Variants in TMOD1 observed in about 807,000 individuals in gnomAD.
The protein encoded by TMOD1 is tropomodulin-1.
TMOD1 carries 17 observed loss-of-function variants against 40.6 expected under a neutral mutation model. That is an observed-to-expected ratio of 0.42 (90% CI 0.29 to 0.63). The LOEUF is 0.63. Ranked by LOEUF, TMOD1 falls within the 20% of genes least tolerant of loss-of-function variation. The pLI is 0.22. For synonymous variants in TMOD1, 181 were observed against 175.0 expected, an observed-to-expected ratio of 1.03 and a Z score of -0.27; for missense variants, 391 against 447.6, an observed-to-expected ratio of 0.87 and a Z score of 1.14.
Position 97,524,203 on chromosome 9 carries a change from A to G in TMOD1, c.15A>G (p.Arg5=). 7 of 1,614,150 alleles carry G rather than the reference A, an allele frequency of 4.3e-6. No homozygotes were observed. Among genetic ancestry groups the G allele is most frequent in the Non-Finnish European group, 5.9e-6 (7 of 1,179,990 alleles). ...GTTCTTCCACGATGTCGTACAGACG[A>G]GAACTAGAGAAATACCGTGACCTGG... MSYR[R]ELEKYRDLDE... is the part of the protein sequence containing the mutation. Residue 5 remains arginine (R), a synonymous_variant, in exon 2 of 10, where the codon CGA becomes CGG. Coordinates refer to ENST00000259365, the MANE Select transcript of TMOD1 (RefSeq NM_003275.4).
chr9:97,562,816 T>C lies in TMOD1; in HGVS notation c.482T>C (p.Leu161Pro). 1 of 1,584,086 alleles carries C rather than the reference T, an allele frequency of 6.3e-7. No homozygotes were observed. Among genetic ancestry groups the C allele is most frequent in the Non-Finnish European group, 8.6e-7 (1 of 1,168,866 alleles). Residue 161 changes from leucine (L) to proline (P), a missense_variant, in exon 5 of 10, where the codon CTC becomes CCC. Coordinates refer to ENST00000259365, the MANE Select transcript of TMOD1 (RefSeq NM_003275.4). Reference sequence around the variant, plus strand: ...AGCTCCATCATGAACAAGGAGGGGCTCAACAGTGAGTATGCGCCCGCCCCC... The same window carrying C: ...AGCTCCATCATGAACAAGGAGGGGCCCAACAGTGAGTATGCGCCCGCCCCC... ...SSSSIMNKEG[L>P]NSVIKPTQYK...
intron 4 of TMOD1, among the ~76,000 whole-genome samples, chr9:97,556,700 A>AGGGG (rs1169628460): frequency 6.6e-6 from 1 of 152,224 alleles, no homozygotes; most frequent in Non-Finnish European, 1.5e-5. Flanking sequence ...AACACCAGGT[A>AGGGG]AGTATGAAAT....
At chr9:97,584,593 C>T (rs1171511442) in intron 8 of TMOD1, among the ~76,000 whole-genome samples, 1 of 152,114 alleles carries the variant, frequency 6.6e-6, no homozygotes, top group Non-Finnish European at 1.5e-5. Context: ...CTAATGTTGA[C>T]AGTGGGGTGT....
intron 9 of TMOD1, among the ~76,000 whole-genome samples, chr9:97,598,459 G>A (rs549247077): frequency 7.2e-5 from 11 of 152,186 alleles, no homozygotes; most frequent in East Asian, 3.9e-4. Context: ...TTCCAGCAGC[G>A]TTGGAGGGGC....
intron 9 of TMOD1, among the ~76,000 whole-genome samples, chr9:97,597,696 CAAAAA>C (rs56273168): frequency 5.7e-5 from 4 of 70,018 alleles, no homozygotes; most frequent in African/African-American, 1.3e-4. Flanking sequence ...GACTCCGTCT[CAAAAA>C]AAAAAAAAAA....
intron 2 of TMOD1, among the ~76,000 whole-genome samples, chr9:97,527,947 C>T (rs1406402431): frequency 6.6e-6 from 1 of 152,306 alleles, no homozygotes; most frequent in East Asian, 1.9e-4. Flanking sequence ...CAGGTGATGA[C>T]AAGGGTCAGA....
intron 1 of TMOD1, among the ~76,000 whole-genome samples, chr9:97,522,480 A>G (rs755047497): frequency 2.0e-5 from 3 of 152,214 alleles, no homozygotes; most frequent in Non-Finnish European, 4.4e-5. Flanking sequence ...GTAAGGTCAC[A>G]TTCTAACTTG....
At chr9:97,575,348 G>A (rs184742784) in intron 8 of TMOD1, among the ~76,000 whole-genome samples, 2 of 152,280 alleles carry the variant, frequency 1.3e-5, no homozygotes, top group East Asian at 3.9e-4. Context: ...ACATCAGAAG[G>A]AACAAACTCC....
At chr9:97,564,858 G>C (rs1391833255) in intron 6 of TMOD1, among the ~76,000 whole-genome samples, 2 of 152,058 alleles carry the variant, frequency 1.3e-5, no homozygotes, top group South Asian at 4.2e-4. Flanking sequence ...AGTTCTGGGA[G>C]GGGGGTGGGG....
rs1826218358 is a variant in TMOD1 at position 97,600,072 on chromosome 9, C to T, written c.*374C>T. On this transcript the variant is annotated 3_prime_UTR_variant, in exon 10 of 10. Transcript: ENST00000259365. Reference sequence around the variant, plus strand: ...ATGTGTGACACAGAAACGGCACACTCTTCCACATGCTTTTGAAGTATTATA... The same window carrying T: ...ATGTGTGACACAGAAACGGCACACTTTTCCACATGCTTTTGAAGTATTATA... 9.6e-7 allele frequency: 1 copy of T among 1,038,440 alleles called. No individual in the cohort carries two copies. The highest frequency in any genetic ancestry group is 1.2e-6 in the Non-Finnish European group (1 of 859,764). The allele number at this position is 1,038,440 out of a possible 1,614,324, so 64.3% of individuals were successfully genotyped here.
In TMOD1 at chr9:97,600,015, C is replaced by T; in HGVS notation, c.*317C>T. 2 of 1,151,632 alleles carry T rather than the reference C, an allele frequency of 1.7e-6. No homozygotes were observed. The highest frequency in any genetic ancestry group is 2.2e-6 in the Non-Finnish European group (2 of 928,032). 71.3% of individuals were successfully genotyped at this position (1,151,632 alleles called of 1,614,324 possible). ...AGCCCCAGGAGCCCAGTTTCAATGG[C>T]CTTGCTGTGTGGTGTTTCAAGTGCA... is the stretch of plus-strand genomic sequence containing the variant. On this transcript the variant is annotated 3_prime_UTR_variant, in exon 10 of 10. Coordinates refer to ENST00000259365, the MANE Select transcript of TMOD1 (RefSeq NM_003275.4).
chr9:97,562,836 G>A lies in TMOD1; in HGVS notation c.487+15G>A, dbSNP rs369441233. ...GGGGCTCAACAGTGAGTATGCGCCC[G>A]CCCCCAGGAGGGACCTCATGCTTCT... On this transcript the variant is annotated intron_variant, in intron 5 of 9. Coordinates refer to ENST00000259365, the MANE Select transcript of TMOD1 (RefSeq NM_003275.4). 5.7e-6 allele frequency: 9 copies of A among 1,568,006 alleles called. No homozygotes were observed. The highest frequency in any genetic ancestry group is 3.6e-5 in the South Asian group (3 of 83,302).
rs554653894 is a variant in TMOD1, at chr9:97,513,516, T to A, written c.-48-10625T>A. Among the ~76,000 whole-genome samples the A allele has an allele frequency of 5.3e-5, 8 of 152,266 alleles. No individual in the cohort carries two copies. The highest frequency in any genetic ancestry group is 1.9e-4 in the African/African-American group (8 of 41,564). On this transcript the variant is annotated intron_variant, in intron 1 of 9. Coordinates refer to ENST00000259365, the MANE Select transcript of TMOD1 (RefSeq NM_003275.4). The surrounding 1 kb of genome is among the most constrained non-coding windows in gnomAD (Gnocchi z 4.1). ...TAAGGGCCCAGGGCATCTGTTCTGC[T>A]CCAGGGGTGGTGGATGAAGAGAGGA...
chr9:97,550,808 C>T (rs375615990), intron 3 of TMOD1, among the ~76,000 whole-genome samples: 9 of 151,452 alleles, frequency 5.9e-5, no homozygotes, highest in African/African-American at 1.7e-4. Context: ...ATATTTTTCC[C>T]CTTCTGTGTA....
Position 97,565,962 on chromosome 9 carries a change from A to T in TMOD1, c.726+7A>T. ...TAATGACCCCGTGGCGTATGTATGT[A>T]CCTTTCTGTTCTGTTGCATTGTGGC... On this transcript the variant is annotated splice_region_variant and intron_variant, in intron 7 of 9. Coordinates refer to ENST00000259365, the MANE Select transcript of TMOD1 (RefSeq NM_003275.4). The T allele has an allele frequency of 6.2e-7, 1 of 1,612,014 alleles. No individual in the cohort carries two copies. Among genetic ancestry groups the T allele is most frequent in the South Asian group, 1.1e-5 (1 of 90,972 alleles).
chr9:97,601,368 C>T lies in TMOD1; in HGVS notation c.*1670C>T. The T allele has an allele frequency of 9.1e-7, 1 of 1,093,866 alleles. No homozygotes were observed. The highest frequency in any genetic ancestry group is 2.2e-5 in the South Asian group (1 of 45,920). The allele number at this position is 1,093,866 out of a possible 1,614,324, so 67.8% of individuals were successfully genotyped here. A position where few individuals can be genotyped will look rare whatever the true frequency, so the allele number is the denominator to read the frequency against. ...CTGGATGACCTCAGTAAGAATGTGT[C>T]ATGTATTCCAGGTGCTGATCTAAAA... On this transcript the variant is annotated 3_prime_UTR_variant, in exon 10 of 10. Coordinates refer to ENST00000259365, the MANE Select transcript of TMOD1 (RefSeq NM_003275.4).
In TMOD1 at chr9:97,531,039, C is replaced by CT. The variant is rs557982424; in HGVS notation, c.120+6731_120+6732insT. Among the ~76,000 whole-genome samples, 138 of 138,490 alleles carry CT rather than the reference C, an allele frequency of 1.0e-3. 7 individuals carry two copies. Among genetic ancestry groups the CT allele is most frequent in the African/African-American group, 3.4e-3 (130 of 38,174 alleles). 90.9% of individuals were successfully genotyped at this position (138,490 alleles called of 152,430 possible). A position where few individuals can be genotyped will look rare whatever the true frequency, so the allele number is the denominator to read the frequency against. Reference sequence around the variant, plus strand: ...CTGACCTTAGGTGATCCACACCCACCCCCCCCACCACCCCTTGGCCTCCCA... The same window carrying CT: ...CTGACCTTAGGTGATCCACACCCACCTCCCCCCACCACCCCTTGGCCTCCCA... On this transcript the variant is annotated intron_variant, in intron 2 of 9. Coordinates refer to ENST00000259365, the MANE Select transcript of TMOD1 (RefSeq NM_003275.4).
chr9:97,600,568 T>G lies in TMOD1; in HGVS notation c.*870T>G. 1 of 986,372 alleles carries G rather than the reference T, an allele frequency of 1.0e-6. No individual in the cohort carries two copies. Among genetic ancestry groups the G allele is most frequent in the Non-Finnish European group, 1.2e-6 (1 of 830,652 alleles). 61.1% of individuals were successfully genotyped at this position (986,372 alleles called of 1,614,324 possible). ...AAATGGCTTATGTGAGGTAAGACAC[T>G]AGAGGGATAAATTTCCAGATCAACA... On this transcript the variant is annotated 3_prime_UTR_variant, in exon 10 of 10. Transcript: ENST00000259365.
chr9:97,545,947 T>C (rs1400104903), intron 2 of TMOD1, among the ~76,000 whole-genome samples: 2 of 152,198 alleles, frequency 1.3e-5, no homozygotes, highest in Non-Finnish European at 2.9e-5. Flanking sequence ...GATTGAGACC[T>C]GAGTCCTAGC....
Sources: gnomAD v4.1 joint callset for allele counts (sites outside exome capture counted in the v4.1 genomes callset) on GRCh38, gnomAD v4.1.1 for gene constraint, Gnocchi (gnomAD v3.1) non-coding constraint, MANE v1.5 for transcripts, NCBI Gene and HGNC (gene_info 2026-07-23, HGNC 2026-07-21) for gene names.